The following MGLL variants were observed in gnomAD, a reference collection of about 807,000 sequenced individuals.
MGLL encodes the protein lysophospholipase homolog.
A neutral mutation model predicts 29.1 loss-of-function variants in MGLL; 7 were observed. That is an observed-to-expected ratio of 0.24 (90% CI 0.14 to 0.45). The LOEUF is 0.45. MGLL is among the 20% of genes least tolerant of loss of function. The probability of loss-of-function intolerance (pLI) is 0.99; values close to 1 mark genes in which losing one functional copy is unlikely to be tolerated. For synonymous variants in MGLL, 148 were observed against 168.3 expected, an observed-to-expected ratio of 0.88 and a Z score of 0.93; for missense variants, 356 against 413.6, an observed-to-expected ratio of 0.86 and a Z score of 1.21.
chr3:127,750,005 G>C (rs977902507), intron 3 of MGLL, among the ~76,000 whole-genome samples: 3 of 152,128 alleles, frequency 2.0e-5, no homozygotes, highest in Non-Finnish European at 2.9e-5. Context: ...AGGGAGAGAT[G>C]GGGCCAGGTC....
At chr3:127,736,256 G>A (rs748020815) in intron 3 of MGLL, 313 of 986,844 alleles carry the variant, frequency 3.2e-4, no homozygotes, top group Middle Eastern at 1.0e-3. Context: ...AAAAATGGAC[G>A]TTCATTACTC....
At chr3:127,766,466 T>C (rs1295885935) in intron 3 of MGLL, among the ~76,000 whole-genome samples, 1 of 152,194 alleles carries the variant, frequency 6.6e-6, no homozygotes, top group African/African-American at 2.4e-5. Context: ...CTCCTTACAA[T>C]CTGCCAAACC....
At chr3:127,704,334 G>A (rs1374803348) in intron 6 of MGLL, among the ~76,000 whole-genome samples, 1 of 152,176 alleles carries the variant, frequency 6.6e-6, no homozygotes, top group African/African-American at 2.4e-5. Flanking sequence ...ATTTCATGAT[G>A]AAAATGTCAA....
intron 3 of MGLL, among the ~76,000 whole-genome samples, chr3:127,766,687 A>G (rs2076861618): frequency 6.6e-6 from 1 of 152,262 alleles, no homozygotes; most frequent in Admixed American, 6.5e-5. Context: ...TAATCAATGC[A>G]AAACCACATG....
intron 5 of MGLL, chr3:127,713,985 C>G (rs1016714575): frequency 3.9e-5 from 6 of 152,060 alleles, no homozygotes; most frequent in Non-Finnish European, 8.8e-5. Context: ...GAGAGAATTA[C>G]AGCAAGCCCT....
intron 3 of MGLL, among the ~76,000 whole-genome samples, chr3:127,732,059 C>G (rs942922737): frequency 6.6e-6 from 1 of 152,114 alleles, no homozygotes; most frequent in Non-Finnish European, 1.5e-5. Flanking sequence ...CCTATAGAAC[C>G]CTGGTGATCC....
chr3:127,726,344 A>G (rs1025308999), intron 3 of MGLL, among the ~76,000 whole-genome samples: 25 of 152,100 alleles, frequency 1.6e-4, no homozygotes, highest in Admixed American at 1.3e-3. Flanking sequence ...GAGGAAAGAA[A>G]GAAAGAAGGA....
chr3:127,760,381 G>A (rs1386163883), intron 3 of MGLL, among the ~76,000 whole-genome samples: 1 of 152,196 alleles, frequency 6.6e-6, no homozygotes, highest in Non-Finnish European at 1.5e-5. Context: ...CAACCCCTCT[G>A]GGCTCACACC....
At chr3:127,792,694 T>C (rs1436245911) in intron 2 of MGLL, among the ~76,000 whole-genome samples, 4 of 151,358 alleles carry the variant, frequency 2.6e-5, no homozygotes, top group Non-Finnish European at 5.9e-5. Flanking sequence ...AGAGCGAGAC[T>C]CTGTCTCAAA....
At chr3:127,794,372 T>C (rs982438980) in intron 2 of MGLL, among the ~76,000 whole-genome samples, 5 of 152,272 alleles carry the variant, frequency 3.3e-5, no homozygotes, top group Admixed American at 3.3e-4. Flanking sequence ...AAAAACTGTC[T>C]TCTATGAAGT....
At chr3:127,704,453 C>G (rs988557016) in intron 6 of MGLL, among the ~76,000 whole-genome samples, 1 of 152,152 alleles carries the variant, frequency 6.6e-6, no homozygotes, top group African/African-American at 2.4e-5. Flanking sequence ...TTAGAGTGAA[C>G]AGACAACCTA....
At chr3:127,727,188 T>C (rs1193920685) in intron 3 of MGLL, among the ~76,000 whole-genome samples, 1 of 152,186 alleles carries the variant, frequency 6.6e-6, no homozygotes, top group Non-Finnish European at 1.5e-5. Context: ...GCTCACCTTA[T>C]AATTTCCTTG....
At chr3:127,757,026 C>G (rs915206655) in intron 3 of MGLL, among the ~76,000 whole-genome samples, 1 of 152,194 alleles carries the variant, frequency 6.6e-6, no homozygotes. Flanking sequence ...TGGGCTTGGC[C>G]ATGTGACATG....
intron 3 of MGLL, among the ~76,000 whole-genome samples, chr3:127,778,189 G>T (rs1460829269): frequency 6.6e-6 from 1 of 152,190 alleles, no homozygotes; most frequent in Non-Finnish European, 1.5e-5. Flanking sequence ...TCCATAAATC[G>T]TGTCATAGAA....
chr3:127,766,329 C>T (rs2076854775), intron 3 of MGLL, among the ~76,000 whole-genome samples: 1 of 152,200 alleles, frequency 6.6e-6, no homozygotes, highest in Non-Finnish European at 1.5e-5. Flanking sequence ...GGCAGGTTCT[C>T]ATATAATAGC....
At chr3:127,809,120 A>G (rs906600836) in intron 2 of MGLL, among the ~76,000 whole-genome samples, 1 of 152,248 alleles carries the variant, frequency 6.6e-6, no homozygotes, top group Non-Finnish European at 1.5e-5. Context: ...AGCTGCAAGC[A>G]CTATGCCCAC....
rs149890808 is a variant in MGLL, at chr3:127,737,324, C to A, written c.263-14758G>T. On this transcript the variant is annotated intron_variant, in intron 3 of 7. Transcript: ENST00000265052. ...TAAGGTGGAGGTCACCTCTGTGTGACCTTGGGCAGTGACTTCACTTCCTGA... is the reference window on the plus strand; with the variant it reads ...TAAGGTGGAGGTCACCTCTGTGTGAACTTGGGCAGTGACTTCACTTCCTGA... Among the ~76,000 whole-genome samples the A allele has an allele frequency of 4.6e-5, 7 of 151,890 alleles. No homozygotes were observed. In the East Asian group the frequency reaches 1.4e-3, roughly 30 times the overall value.
At chr3:127,741,546 G>A (rs1390827122) in intron 3 of MGLL, among the ~76,000 whole-genome samples, 5 of 151,530 alleles carry the variant, frequency 3.3e-5, no homozygotes, top group Admixed American at 2.0e-4. Context: ...CCGGGGCAGA[G>A]GTTTGTGGGG....
chr3:127,705,327 A>G (rs1052444675), intron 6 of MGLL, among the ~76,000 whole-genome samples: 1 of 152,104 alleles, frequency 6.6e-6, no homozygotes, highest in Non-Finnish European at 1.5e-5. Flanking sequence ...ACCATGGCAC[A>G]TGTTTACCTA....
Sources: gnomAD v4.1 joint callset for allele counts (sites outside exome capture counted in the v4.1 genomes callset) on GRCh38, gnomAD v4.1.1 for gene constraint, MANE v1.5 for transcripts, NCBI Gene and HGNC (gene_info 2026-07-23, HGNC 2026-07-21) for gene names.